ABCC1: variants seen among roughly 807,000 people sequenced by gnomAD.
ABCC1 encodes multidrug resistance-associated protein 1.
Under a neutral mutation model 172.9 loss-of-function variants are expected in ABCC1, and 83 were observed. That is an observed-to-expected ratio of 0.48 (90% CI 0.40 to 0.58). The LOEUF is 0.58. ABCC1 is among the 20% of genes least tolerant of loss of function. The pLI, the probability that ABCC1 is intolerant of heterozygous loss-of-function variation, is 0.00. For missense variants in ABCC1, 1,817 were observed against 2,002.7 expected, an observed-to-expected ratio of 0.91 and a Z score of 1.77; for synonymous variants, 937 against 825.2, an observed-to-expected ratio of 1.14 and a Z score of -2.32.
At position 16,083,321 on chromosome 16, in the gene ABCC1, T is replaced by A. The variant is rs767581268; in HGVS notation, c.2116-45T>A. On this transcript the variant is annotated intron_variant, in intron 16 of 30. Transcript: ENST00000399410. ...GCCAGCTGTTGTCTCGTTGATCAGA[T>A]CTGTCTGTGTGTCTGTCTCACCTCG... The A allele has an allele frequency of 2.1e-5, 34 of 1,591,506 alleles. 1 individual carries two copies. In the Admixed American group the frequency reaches 4.7e-4, roughly 22 times the overall value.
chr16:16,073,455 T>C (rs1275561547), intron 14 of ABCC1, among the ~76,000 whole-genome samples: 3 of 152,170 alleles, frequency 2.0e-5, no homozygotes, highest in East Asian at 3.9e-4. Flanking sequence ...GTCAGCCTTA[T>C]TTTACAGATG....
chr16:16,078,130 C>G (rs535012483), intron 15 of ABCC1, among the ~76,000 whole-genome samples: 2 of 152,266 alleles, frequency 1.3e-5, no homozygotes, highest in Admixed American at 6.5e-5. Flanking sequence ...TGTACTCCAG[C>G]CTGGGCCACA....
intron 5 of ABCC1, among the ~76,000 whole-genome samples, chr16:16,031,217 C>T (rs1446731808): frequency 6.6e-6 from 1 of 152,184 alleles, no homozygotes; most frequent in East Asian, 1.9e-4. Context: ...AGTATGCCAC[C>T]TTATCGGGCT....
At chr16:16,123,928 G>A (rs2045285015) in intron 24 of ABCC1, among the ~76,000 whole-genome samples, 1 of 152,112 alleles carries the variant, frequency 6.6e-6, no homozygotes, top group South Asian at 2.1e-4. Flanking sequence ...GAGGCAGGAG[G>A]ATCACTGGAA....
At chr16:16,098,477 G>C (rs1483192242) in intron 19 of ABCC1, among the ~76,000 whole-genome samples, 1 of 152,208 alleles carries the variant, frequency 6.6e-6, no homozygotes, top group Non-Finnish European at 1.5e-5. Context: ...AAATTAGCCA[G>C]GTGTGGTGGC....
At chr16:16,124,335 G>GTGTA (rs1555502586) in intron 24 of ABCC1, among the ~76,000 whole-genome samples, 8 of 87,982 alleles carry the variant, frequency 9.1e-5, no homozygotes, top group African/African-American at 2.7e-4. Context: ...GTGTGTGTGT[G>GTGTA]TGTGTGTGTG....
chr16:16,106,588 A>G (rs2052121946), intron 20 of ABCC1, 150 bp from the exon 21 acceptor site: 3 of 828,938 alleles, frequency 3.6e-6, no homozygotes, highest in East Asian at 2.7e-5. Context: ...TGTGGTGCAT[A>G]TATTCATATA....
chr16:15,996,972 C>T lies in ABCC1; in HGVS notation c.49-10844C>T, dbSNP rs59462577. On this transcript the variant is annotated intron_variant, in intron 1 of 30. Transcript: ENST00000399410. ...GCCACTCGGACTTGGACGGGGTCCC[C>T]AACTCTTTGAGTGTCAGGGCTGAGG... Among the ~76,000 whole-genome samples the T allele has an allele frequency of 1.2e-4, 18 of 152,220 alleles. No homozygotes were observed. In the East Asian group the frequency reaches 3.1e-3, roughly 26 times the overall value.
chr16:16,063,974 G>A (rs1445159091), intron 12 of ABCC1, among the ~76,000 whole-genome samples: 1 of 152,160 alleles, frequency 6.6e-6, no homozygotes, highest in East Asian at 1.9e-4. Context: ...GCCAAGGTAG[G>A]GGGTGAGGGA....
At chr16:16,034,786 C>T (rs2048692207) in intron 6 of ABCC1, among the ~76,000 whole-genome samples, 1 of 151,848 alleles carries the variant, frequency 6.6e-6, no homozygotes, top group African/African-American at 2.4e-5. Flanking sequence ...TGGAGTTTCA[C>T]TGTGTTGTCC....
rs370267216 is a variant in ABCC1, at chr16:16,138,441, C to T, written c.4370C>T (p.Thr1457Met). The T allele has an allele frequency of 1.6e-5, 25 of 1,612,640 alleles. No individual in the cohort carries two copies. Among genetic ancestry groups the T allele is most frequent in the East Asian group, 2.2e-5 (1 of 44,838 alleles). Reference sequence around the variant, plus strand: ...AAGATCCTTGTGTTGGATGAGGCCACGGCAGCCGTGGACCTGGAAACGGAC... The same window carrying T: ...AAGATCCTTGTGTTGGATGAGGCCATGGCAGCCGTGGACCTGGAAACGGAC... ...KTKILVLDEATAAVDLETDDL... is the reference protein window; with the variant it reads ...KTKILVLDEAMAAVDLETDDL... The change falls in exon 30 of 31, where the codon ACG (threonine) becomes ATG (methionine). Residue 1457 changes from threonine (T) to methionine (M), a missense_variant. Thr to Met is a moderately conservative substitution (Grantham distance 81). Coordinates refer to ENST00000399410, the MANE Select transcript of ABCC1 (RefSeq NM_004996.4).
chr16:16,104,112 A>T (rs1011148506), intron 20 of ABCC1, among the ~76,000 whole-genome samples: 1 of 152,134 alleles, frequency 6.6e-6, no homozygotes, highest in African/African-American at 2.4e-5. Flanking sequence ...GTAGACCTTG[A>T]TGGTGAGTGT....
chr16:15,984,238 C>T (rs746075052), intron 1 of ABCC1, among the ~76,000 whole-genome samples: 2 of 152,080 alleles, frequency 1.3e-5, no homozygotes, highest in African/African-American at 2.4e-5. Flanking sequence ...CACAGATGTG[C>T]GGCAGCCTCC....
chr16:16,033,089 C>A lies in ABCC1; in HGVS notation c.616-20C>A. 6.2e-7 allele frequency: 1 copy of A among 1,612,910 alleles called. No individual in the cohort carries two copies. Among genetic ancestry groups the A allele is most frequent in the Non-Finnish European group, 8.5e-7 (1 of 1,178,978 alleles). ...ATTCCTTTCCCTCTTCCTCCCAAAC[C>A]TGTGCTTTCTTTCCACTAGAATCCC... On this transcript the variant is annotated intron_variant, in intron 5 of 30. Coordinates refer to ENST00000399410, the MANE Select transcript of ABCC1 (RefSeq NM_004996.4).
Position 15,986,190 on chromosome 16 carries a change from C to A in ABCC1, c.49-21626C>A, listed in dbSNP as rs559024998. 4.6e-5 allele frequency among the ~76,000 whole-genome samples: 7 copies of A among 152,288 alleles called. No individual in the cohort carries two copies. In the South Asian group the frequency reaches 1.5e-3, roughly 32 times the overall value. ...CCCCGGGTGATCTACCTGCCTCAGC[C>A]TCCCAAAGTGGTGGGATTATAGGCA... On this transcript the variant is annotated intron_variant, in intron 1 of 30. Coordinates refer to ENST00000399410, the MANE Select transcript of ABCC1 (RefSeq NM_004996.4).
At chr16:15,985,372 CAT>C (rs1216296429) in intron 1 of ABCC1, among the ~76,000 whole-genome samples, 2 of 152,166 alleles carry the variant, frequency 1.3e-5, no homozygotes, top group African/African-American at 4.8e-5. Flanking sequence ...AGCAAGGTGA[CAT>C]GTGTTCATGC....
intron 24 of ABCC1, among the ~76,000 whole-genome samples, chr16:16,123,313 A>G (rs1170807864): frequency 2.0e-5 from 3 of 152,144 alleles, no homozygotes; most frequent in Non-Finnish European, 4.4e-5. Context: ...TTCTAGTGCT[A>G]TATGATATCA....
intron 27 of ABCC1, among the ~76,000 whole-genome samples, chr16:16,134,083 T>C (rs996642085): frequency 2.6e-5 from 4 of 152,190 alleles, no homozygotes; most frequent in Non-Finnish European, 5.9e-5. Context: ...TTCTGCCTCT[T>C]CTGTATCTCT....
At chr16:16,128,440 C>T (rs1017110052) in intron 26 of ABCC1, among the ~76,000 whole-genome samples, 1 of 152,150 alleles carries the variant, frequency 6.6e-6, no homozygotes, top group Non-Finnish European at 1.5e-5. Context: ...TGAGCCACCA[C>T]ACCCGGCCTG....
Sources: gnomAD v4.1 joint callset for allele counts (sites outside exome capture counted in the v4.1 genomes callset) on GRCh38, gnomAD v4.1.1 for gene constraint, MANE v1.5 for transcripts, NCBI Gene and HGNC (gene_info 2026-07-23, HGNC 2026-07-21) for gene names.